The following NOTCH2 variants were observed in gnomAD, a reference collection of about 807,000 sequenced individuals.
NOTCH2 encodes the protein neurogenic locus notch homolog protein 2.
In NOTCH2, 29 loss-of-function variants were observed where a neutral mutation model predicts 235.8. The observed-to-expected ratio is 0.12, with a 90% confidence interval of 0.09 to 0.17. NOTCH2 has a LOEUF of 0.17. Among genes scored for constraint, NOTCH2 ranks in the 10% least tolerant of loss-of-function variants. The pLI, the probability that NOTCH2 is intolerant of heterozygous loss-of-function variation, is 1.00. For synonymous variants in NOTCH2, 1,086 were observed against 1,141.5 expected (o/e 0.95, Z 0.98); for missense variants, 2,285 against 3,150.2 (o/e 0.73, Z 6.57).
At position 119,926,499 on chromosome 1, in the gene NOTCH2, C is replaced by T. The variant is rs118188023; in HGVS notation, c.4005G>A (p.Pro1335=). Residue 1335 remains proline (P), a splice_region_variant and synonymous_variant, in exon 24 of 34, where the codon CCG becomes CCA. Coordinates refer to ENST00000256646, the MANE Select transcript of NOTCH2 (RefSeq NM_024408.4). ...MPDGFICRCP[P]GFSGARCQSS... Reference sequence around the variant, plus strand: ...CTTAGATGAGCAACAGGGCACTTACCGGGGGACAACGGCAAATGAAACCAT... The same window carrying T: ...CTTAGATGAGCAACAGGGCACTTACTGGGGGACAACGGCAAATGAAACCAT... 125 of 1,596,700 alleles carry T rather than the reference C, an allele frequency of 7.8e-5. 2 individuals carry two copies. The East Asian group carries it at 1.2e-3, about 16-fold the overall frequency.
intron 1 of NOTCH2, among the ~76,000 whole-genome samples, chr1:120,048,006 T>A (rs1375839421): frequency 1.3e-5 from 2 of 151,730 alleles, no homozygotes; most frequent in Non-Finnish European, 2.9e-5. Flanking sequence ...GATCTCGTGA[T>A]CCGCCTGCCT....
chr1:120,001,299 G>A (rs1161285385), intron 3 of NOTCH2, among the ~76,000 whole-genome samples: 25 of 152,010 alleles, frequency 1.6e-4, no homozygotes, highest in Admixed American at 1.3e-4. Context: ...AAACTTTGGA[G>A]GGAACCAGCT....
chr1:119,973,674 C>T (rs75775174), intron 5 of NOTCH2, among the ~76,000 whole-genome samples: 40 of 152,088 alleles, frequency 2.6e-4, no homozygotes, highest in Admixed American at 2.2e-3. Context: ...AAGGAACACT[C>T]GTATTAGAAA....
chr1:119,957,131 G>A lies in NOTCH2; in HGVS notation c.2027-1899C>T, dbSNP rs77608773. Among the ~76,000 whole-genome samples the A allele has an allele frequency of 9.8e-3, 1,488 of 152,270 alleles. 76 individuals are homozygous for A. Among genetic ancestry groups the A allele is most frequent in the Admixed American group, 0.083 (1,268 of 15,284 alleles). On this transcript the variant is annotated intron_variant, in intron 12 of 33. Coordinates refer to ENST00000256646, the MANE Select transcript of NOTCH2 (RefSeq NM_024408.4). ...GCAACATTCACTAAGCGTTTCCTACGTGCCAGACATTGCTTTAGACACTTG... is the reference window on the plus strand; with the variant it reads ...GCAACATTCACTAAGCGTTTCCTACATGCCAGACATTGCTTTAGACACTTG...
chr1:119,916,125 T>G lies in NOTCH2; in HGVS notation c.6597A>C (p.Leu2199=), dbSNP rs766982712. ...PPAPVHAQHA[L]SFSNLHEMQP... is the part of the protein sequence containing the mutation. ...GCATTTCATGAAGGTTAGAAAAAGA[T>G]AGTGCATGCTGGGCATGGACTGGGG... Residue 2199 remains leucine, a synonymous_variant, in exon 34 of 34, where the codon CTA becomes CTC. Coordinates refer to ENST00000256646, the MANE Select transcript of NOTCH2 (RefSeq NM_024408.4). The G allele has an allele frequency of 6.2e-7, 1 of 1,614,138 alleles. No individual in the cohort carries two copies. Among genetic ancestry groups the G allele is most frequent in the Non-Finnish European group, 8.5e-7 (1 of 1,180,014 alleles).
chr1:119,946,968 A>C (rs1557816390), intron 17 of NOTCH2, among the ~76,000 whole-genome samples: 1 of 152,172 alleles, frequency 6.6e-6, no homozygotes, highest in Non-Finnish European at 1.5e-5. Context: ...ATAAGAAGTT[A>C]GTTTAGTACA....
intron 11 of NOTCH2, among the ~76,000 whole-genome samples, chr1:119,963,168 AAGGAAGGTAGGT>A (rs1423223334): frequency 8.6e-5 from 9 of 104,904 alleles, no homozygotes; most frequent in African/African-American, 1.7e-4. Flanking sequence ...AGAAGGGAAG[AAGGAAGGTAGGT>A]AGGAAGGAAG....
At position 119,963,673 on chromosome 1, in the gene NOTCH2, C is replaced by G. The variant is rs2101136878; in HGVS notation, c.1816G>C (p.Asp606His). ...CTGCTGTAACATTCATCAATCTGGT[C>G]ACTGCAGATGGCGCCCATGTACCCG... is the stretch of plus-strand genomic sequence containing the variant. Reference protein sequence around the residue: ...NPGYMGAICSDQIDECYSSPC... With the variant: ...NPGYMGAICSHQIDECYSSPC... The change falls in exon 11 of 34, where the codon GAC becomes CAC. Residue 606 changes from aspartate to histidine, a missense_variant. Asp to His is a moderately conservative substitution (Grantham distance 81, BLOSUM62 -1). Coordinates refer to ENST00000256646, the MANE Select transcript of NOTCH2 (RefSeq NM_024408.4). 6.2e-7 allele frequency: 1 copy of G among 1,614,150 alleles called. No homozygotes were observed. The highest frequency in any genetic ancestry group is 1.1e-5 in the South Asian group (1 of 91,074).
chr1:119,938,478 G>A (rs1649943285), intron 19 of NOTCH2, among the ~76,000 whole-genome samples: 2 of 152,146 alleles, frequency 1.3e-5, no homozygotes, highest in South Asian at 4.1e-4. Flanking sequence ...AGTAATAGCA[G>A]TCCTAGTGGT....
At chr1:119,924,134 T>A in intron 25 of NOTCH2, 150 bp from the exon 26 acceptor site, 5 of 689,560 alleles carry the variant, frequency 7.3e-6, no homozygotes, top group Non-Finnish European at 1.3e-5. Context: ...CTTCTTTGCA[T>A]CTCCTATCCC....
In NOTCH2 at chr1:120,023,690, A is replaced by C. The variant is rs375270182; in HGVS notation, c.155+6216T>G. 6.9e-3 allele frequency among the ~76,000 whole-genome samples: 945 copies of C among 137,708 alleles called. 7 individuals carry two copies. Among genetic ancestry groups the C allele is most frequent in the Non-Finnish European group, 9.7e-3 (645 of 66,174 alleles). The allele number at this position is 137,708 out of a possible 152,430, so 90.3% of individuals were successfully genotyped here. ...GTTTTTTGGCACTCTCTTAAATTTC[A>C]CAAGAGAGGCCTGTGCCTTACTTGC... On this transcript the variant is annotated intron_variant, in intron 2 of 33. Coordinates refer to ENST00000256646, the MANE Select transcript of NOTCH2 (RefSeq NM_024408.4).
chr1:120,001,676 A>T (rs1407804851), intron 3 of NOTCH2, among the ~76,000 whole-genome samples: 1 of 152,186 alleles, frequency 6.6e-6, no homozygotes, highest in East Asian at 1.9e-4. Context: ...TCCTTACTGG[A>T]ATAGACACTT....
intron 5 of NOTCH2, among the ~76,000 whole-genome samples, chr1:119,973,755 G>A (rs1217577235): frequency 2.0e-5 from 3 of 152,260 alleles, no homozygotes; most frequent in Non-Finnish European, 2.9e-5. Context: ...AGGTCTTAAC[G>A]TGTATGCTCT....
chr1:120,007,430 C>T (rs1318914700), intron 2 of NOTCH2, among the ~76,000 whole-genome samples: 1 of 128,532 alleles, frequency 7.8e-6, no homozygotes, highest in Admixed American at 6.9e-5. Context: ...GTGGCTCACA[C>T]CTGTAATGCC....
chr1:120,037,110 T>C (rs1435072229), intron 1 of NOTCH2, among the ~76,000 whole-genome samples: 2 of 152,162 alleles, frequency 1.3e-5, no homozygotes, highest in African/African-American at 4.8e-5. Flanking sequence ...CTATCTCACA[T>C]GATTTTTTTC....
At position 119,929,058 on chromosome 1, in the gene NOTCH2, G is replaced by A; in HGVS notation, c.3810C>T (p.Ser1270=). 6.2e-7 allele frequency: 1 copy of A among 1,614,136 alleles called. No homozygotes were observed. Among genetic ancestry groups the A allele is most frequent in the Non-Finnish European group, 8.5e-7 (1 of 1,180,020 alleles). Residue 1270 remains serine (S), a synonymous_variant, in exon 23 of 34, where the codon TCC becomes TCT. Coordinates refer to ENST00000256646, the MANE Select transcript of NOTCH2 (RefSeq NM_024408.4). ...GGCTGCCCTCAGAGCTGCAGGGGTT[G>A]GAGAGGCACTCGTTGATGTCTCCCT... ...RCEGDINECL[S]NPCSSEGSLD...
chr1:119,915,527 C>T lies in NOTCH2; in HGVS notation c.7195G>A (p.Glu2399Lys), dbSNP rs752104735. The T allele has an allele frequency of 1.2e-6, 2 of 1,613,956 alleles. No homozygotes were observed. Among genetic ancestry groups the T allele is most frequent in the Non-Finnish European group, 8.5e-7 (1 of 1,180,036 alleles). The change falls in exon 34 of 34, where the codon GAG (glutamate) becomes AAG (lysine). Residue 2399 changes from glutamate (E) to lysine (K), a missense_variant. Physicochemically the swap from Glu to Lys is moderately conservative, Grantham distance 56. Coordinates refer to ENST00000256646, the MANE Select transcript of NOTCH2 (RefSeq NM_024408.4). ...TGACCACTGTGACTGGGTGTTCGCT[C>T]AGCAGCATTTGAGGAAGCATAACTG... ...QHSYASSNAA[E>K]RTPSHSGHLQ...
At chr1:119,925,934 A>G (rs1349460132) in intron 24 of NOTCH2, 124 bp from the exon 25 acceptor site, 8 of 1,151,106 alleles carry the variant, frequency 6.9e-6, no homozygotes, top group Non-Finnish European at 8.9e-6. Flanking sequence ...GCCCAAGCCA[A>G]GGTTACTAGA....
At chr1:120,004,660 T>C (rs1652891307) in intron 3 of NOTCH2, among the ~76,000 whole-genome samples, 1 of 152,070 alleles carries the variant, frequency 6.6e-6, no homozygotes, top group African/African-American at 2.4e-5. Context: ...GTGCCCTGAA[T>C]GTCTAGGGAG....
Sources: gnomAD v4.1 joint callset for allele counts (sites outside exome capture counted in the v4.1 genomes callset) on GRCh38, gnomAD v4.1.1 for gene constraint, MANE v1.5 for transcripts, NCBI Gene and HGNC (gene_info 2026-07-23, HGNC 2026-07-21) for gene names.